IDE: variants seen among roughly 807,000 people sequenced by gnomAD.
The protein encoded by IDE is insulin-degrading enzyme.
In IDE, 58 loss-of-function variants were observed where a neutral mutation model predicts 133.2. That is an observed-to-expected ratio of 0.44 (90% CI 0.35 to 0.54). The LOEUF is 0.54. Ranked by LOEUF, IDE falls within the 20% of genes least tolerant of loss-of-function variation. The pLI, the probability that IDE is intolerant of heterozygous loss-of-function variation, is 0.00. For synonymous variants in IDE, 396 were observed against 421.3 expected (o/e 0.94, Z 0.73); for missense variants, 981 against 1,234.0 (o/e 0.79, Z 3.07).
At chr10:92,570,495 G>A (rs1315413178) in intron 1 of IDE, among the ~76,000 whole-genome samples, 1 of 152,188 alleles carries the variant, frequency 6.6e-6, no homozygotes, top group African/African-American at 2.4e-5. Flanking sequence ...CATATCTATA[G>A]AGGATCTACC....
intron 11 of IDE, among the ~76,000 whole-genome samples, chr10:92,498,388 C>G (rs879898393): frequency 6.9e-6 from 1 of 144,520 alleles, no homozygotes; most frequent in Non-Finnish European, 1.5e-5. Context: ...TTTGAGAGGA[C>G]GGGGTGGGTG....
At position 92,468,883 on chromosome 10, in the gene IDE, A is replaced by C. The variant is rs771585390; in HGVS notation, c.2316T>G (p.Pro772=). The part of the protein sequence containing the change: ...QLVRYREVQL[P]DRGWFVYQQR... ...AGTTACAACATCTCTACTTACTGTC[A>C]GGGAGCTGAACTTCTCTATACCGAA... is the stretch of plus-strand genomic sequence containing the variant. The change falls in exon 19 of 25, where the codon CCT becomes CCG. Residue 772 remains proline, a synonymous_variant. Coordinates refer to ENST00000265986, the MANE Select transcript of IDE (RefSeq NM_004969.4). 27 of 1,551,980 alleles carry C rather than the reference A, an allele frequency of 1.7e-5. No homozygotes were observed. The highest frequency in any genetic ancestry group is 2.1e-5 in the Non-Finnish European group (24 of 1,123,472).
chr10:92,510,854 A>G (rs993607139), intron 5 of IDE, among the ~76,000 whole-genome samples: 1 of 150,970 alleles, frequency 6.6e-6, no homozygotes, highest in African/African-American at 2.4e-5. Flanking sequence ...CATATGATAT[A>G]TATCACATAT....
chr10:92,552,997 G>A (rs554305908), intron 1 of IDE, among the ~76,000 whole-genome samples: 1 of 151,828 alleles, frequency 6.6e-6, no homozygotes, highest in African/African-American at 2.4e-5. Context: ...AAAATACACA[G>A]GAGCCAAAAT....
At position 92,456,344 on chromosome 10, in the gene IDE, A is replaced by G. The variant is rs1219341946; in HGVS notation, c.2896+15T>C. 1 of 1,600,504 alleles carries G rather than the reference A, an allele frequency of 6.2e-7. No individual in the cohort carries two copies. Among genetic ancestry groups the G allele is most frequent in the Non-Finnish European group, 8.6e-7 (1 of 1,167,562 alleles). ...GGCTCAACATGAGCCTAAAAAGGCA[A>G]CATTTGATACTTACAAGAATCCATT... On this transcript the variant is annotated intron_variant, in intron 23 of 24. Coordinates refer to ENST00000265986, the MANE Select transcript of IDE (RefSeq NM_004969.4).
intron 20 of IDE, 52 bp from the exon 21 acceptor site, chr10:92,464,055 ATTT>A (rs1390631898): frequency 9.0e-6 from 14 of 1,553,354 alleles, no homozygotes; most frequent in Non-Finnish European, 1.2e-5. Context: ...GACCTGGGTC[ATTT>A]TTAATCCTTC....
intron 4 of IDE, 94 bp from the exon 5 acceptor site, chr10:92,515,136 TAAAA>T: frequency 2.0e-6 from 2 of 1,009,530 alleles, no homozygotes; most frequent in Non-Finnish European, 3.0e-6. Flanking sequence ...AGATGAACTT[TAAAA>T]ATAAAGTTCT....
chr10:92,475,750 G>A (rs1846220321), intron 16 of IDE, 134 bp downstream of exon 16: 1 of 496,972 alleles, frequency 2.0e-6, no homozygotes, highest in Admixed American at 4.0e-5. Flanking sequence ...ATGACAAGGT[G>A]AGATGAATGC....
At chr10:92,501,335 C>T (rs1455616265) in intron 11 of IDE, among the ~76,000 whole-genome samples, 13 of 135,238 alleles carry the variant, frequency 9.6e-5, no homozygotes, top group African/African-American at 3.8e-4. Context: ...GCACTCCAGC[C>T]CGGGCAACAG....
At chr10:92,486,948 A>T (rs1847032697) in intron 13 of IDE, among the ~76,000 whole-genome samples, 1 of 152,174 alleles carries the variant, frequency 6.6e-6, no homozygotes. Flanking sequence ...TACAGCTCAG[A>T]CTTACTTTTT....
At chr10:92,543,071 G>C (rs1172222059) in intron 1 of IDE, among the ~76,000 whole-genome samples, 1 of 152,148 alleles carries the variant, frequency 6.6e-6, no homozygotes, top group African/African-American at 2.4e-5. Context: ...TTTAAAGTCA[G>C]ACCTGATTTA....
intron 19 of IDE, among the ~76,000 whole-genome samples, chr10:92,466,820 G>A (rs898275061): frequency 6.6e-6 from 1 of 151,386 alleles, no homozygotes; most frequent in Non-Finnish European, 1.5e-5. Flanking sequence ...GTTTCACCAT[G>A]TTGGCCAGGC....
chr10:92,456,875 AAAAAG>A (rs1845055756), intron 22 of IDE, among the ~76,000 whole-genome samples: 1 of 119,596 alleles, frequency 8.4e-6, no homozygotes, highest in Non-Finnish European at 1.8e-5. Context: ...AAAAAAAAAG[AAAAAG>A]AAAAAGAAAA....
intron 13 of IDE, among the ~76,000 whole-genome samples, chr10:92,484,473 C>G (rs1420671303): frequency 6.6e-6 from 1 of 151,948 alleles, no homozygotes; most frequent in Admixed American, 6.6e-5. Context: ...CAGCTCACAC[C>G]TGTAATCCCA....
At chr10:92,499,275 C>A (rs1266880772) in intron 11 of IDE, among the ~76,000 whole-genome samples, 1 of 152,000 alleles carries the variant, frequency 6.6e-6, no homozygotes, top group African/African-American at 2.4e-5. Context: ...CCTCCGGCCC[C>A]CAGGTTCAAG....
chr10:92,482,312 A>G (rs896039748), intron 14 of IDE, among the ~76,000 whole-genome samples: 15 of 152,250 alleles, frequency 9.9e-5, no homozygotes, highest in African/African-American at 3.4e-4. Context: ...TCACAAAGTA[A>G]AATCTGAAAC....
At chr10:92,461,561 G>A (rs1845394589) in intron 21 of IDE, among the ~76,000 whole-genome samples, 1 of 152,030 alleles carries the variant, frequency 6.6e-6, no homozygotes, top group Non-Finnish European at 1.5e-5. Flanking sequence ...TCGCCATGTT[G>A]GCTAGGCTGG....
chr10:92,457,479 A>G (rs1350598775), intron 22 of IDE, among the ~76,000 whole-genome samples: 1 of 140,690 alleles, frequency 7.1e-6, no homozygotes, highest in Non-Finnish European at 1.6e-5. Flanking sequence ...TGCTCTCTCC[A>G]TTCCACCATG....
intron 13 of IDE, 88 bp downstream of exon 13, chr10:92,487,108 T>G: frequency 7.6e-7 from 1 of 1,310,406 alleles, no homozygotes; most frequent in Non-Finnish European, 1.1e-6. Context: ...CAAATCAACA[T>G]AGTACCAAAT....
Sources: allele counts gnomAD v4.1 joint callset (sites outside exome capture counted in the v4.1 genomes callset), GRCh38; gene constraint gnomAD v4.1.1; transcripts MANE v1.5; gene names NCBI Gene and HGNC (gene_info 2026-07-23, HGNC 2026-07-21).